GRID2: variants seen among roughly 807,000 people sequenced by gnomAD.
GRID2 encodes glutamate ionotropic receptor delta type subunit 2.
A neutral mutation model predicts 114.8 loss-of-function variants in GRID2; 33 were observed. The ratio of observed to expected loss-of-function variants is 0.29; its 90% CI spans 0.22 to 0.38. The LOEUF is 0.38. GRID2 is among the 10% of genes least tolerant of loss of function. The pLI is 1.00. For missense variants in GRID2, 1,184 were observed against 1,257.7 expected, an observed-to-expected ratio of 0.94 and a Z score of 0.89; for synonymous variants, 505 against 449.9, an observed-to-expected ratio of 1.12 and a Z score of -1.55.
At chr4:92,640,693 A>G (rs2149253103) in intron 2 of GRID2, among the ~76,000 whole-genome samples, 1 of 152,038 alleles carries the variant, frequency 6.6e-6, no homozygotes, top group South Asian at 2.1e-4. Flanking sequence ...TTGAGAAGAA[A>G]AAGAGTTAAG....
intron 2 of GRID2, among the ~76,000 whole-genome samples, chr4:92,704,703 C>CTCTCTCTCTCTCTCTCTCTCTCTCTCTT (rs1579878262): frequency 1.4e-5 from 2 of 139,746 alleles, no homozygotes; most frequent in African/African-American, 2.8e-5. Flanking sequence ...ATCAATCAAT[C>CTCTCTCTCTCTCTCTCTCTCTCTCTCTT]TCTCTCTCTC....
exon 2 of GRID2, chr4:93,807,160 C>T (rs1307358667): frequency 6.6e-6 from 1 of 152,210 alleles, no homozygotes; most frequent in African/African-American, 2.4e-5. Context: ...GGACTTCTTG[C>T]CTAGATGTCC....
At chr4:92,922,050 G>A (rs1015157607) in intron 2 of GRID2, among the ~76,000 whole-genome samples, 1 of 152,116 alleles carries the variant, frequency 6.6e-6, no homozygotes, top group African/African-American at 2.4e-5. Context: ...GCAATTGTGG[G>A]AGCCCCTCCC....
intron 2 of GRID2, among the ~76,000 whole-genome samples, chr4:92,985,828 T>A (rs1206616242): frequency 2.0e-5 from 3 of 152,200 alleles, no homozygotes; most frequent in Non-Finnish European, 4.4e-5. Flanking sequence ...TTGAACTTCC[T>A]ATTGAAGTTA....
chr4:92,874,728 C>T (rs1319075324), intron 2 of GRID2, among the ~76,000 whole-genome samples: 1 of 152,154 alleles, frequency 6.6e-6, no homozygotes, highest in African/African-American at 2.4e-5. Context: ...ACGCCATGAG[C>T]GTTTGGGGAC....
chr4:92,639,515 C>A (rs1393768646), intron 2 of GRID2, among the ~76,000 whole-genome samples: 1 of 151,722 alleles, frequency 6.6e-6, no homozygotes, highest in African/African-American at 2.4e-5. Flanking sequence ...TCTGTTCTGC[C>A]ACTTGTAACC....
rs78553698 is a variant in GRID2, at chr4:92,638,159, A to G, written c.244+47873A>G. On this transcript the variant is annotated intron_variant, in intron 2 of 15. Transcript: ENST00000282020. The stretch of plus-strand genomic sequence containing the variant: ...AATTTTATTTTTGCTTTAAAAATTT[A>G]TAGAATAGGGGGATTATTTATTTAA... 8.7e-3 allele frequency among the ~76,000 whole-genome samples: 1,323 copies of G among 151,896 alleles called. 17 individuals carry two copies. The highest frequency in any genetic ancestry group is 0.069 in the East Asian group (353 of 5,132).
intron 14 of GRID2, among the ~76,000 whole-genome samples, chr4:93,675,056 T>C (rs1724732881): frequency 6.6e-6 from 1 of 152,148 alleles, no homozygotes; most frequent in South Asian, 2.1e-4. Flanking sequence ...CCAAAAATGG[T>C]CCTATATATG....
chr4:92,353,566 G>A (rs769961884), intron 1 of GRID2, among the ~76,000 whole-genome samples: 9 of 151,770 alleles, frequency 5.9e-5, no homozygotes, highest in South Asian at 2.1e-4. Context: ...CATATTTCTC[G>A]TCTTGTGTGC....
chr4:93,795,240 A>G (rs1241229692), intron 1 of GRID2, among the ~76,000 whole-genome samples: 1 of 152,096 alleles, frequency 6.6e-6, no homozygotes, highest in Non-Finnish European at 1.5e-5. Flanking sequence ...AGGTAGAAAA[A>G]ATTCAAAACC....
At chr4:93,512,396 C>T (rs991807224) in intron 12 of GRID2, among the ~76,000 whole-genome samples, 2 of 152,224 alleles carry the variant, frequency 1.3e-5, no homozygotes, top group Non-Finnish European at 2.9e-5. Flanking sequence ...TACAAAGTGA[C>T]CGCTTGTAAT....
At chr4:92,501,180 T>A (rs1723665282) in intron 1 of GRID2, among the ~76,000 whole-genome samples, 1 of 152,134 alleles carries the variant, frequency 6.6e-6, no homozygotes, top group Non-Finnish European at 1.5e-5. Context: ...AAGTATACTT[T>A]AATTGACAGT....
At chr4:93,165,116 T>C (rs1738122977) in intron 4 of GRID2, among the ~76,000 whole-genome samples, 1 of 152,086 alleles carries the variant, frequency 6.6e-6, no homozygotes, top group Admixed American at 6.6e-5. Context: ...TGCAAAGGGT[T>C]TAACACAGTG....
intron 14 of GRID2, among the ~76,000 whole-genome samples, chr4:93,677,070 C>T (rs1049522564): frequency 4.6e-5 from 7 of 152,118 alleles, no homozygotes; most frequent in African/African-American, 1.7e-4. Context: ...GGGTCACTCC[C>T]ACCCAAATAC....
At position 92,842,949 on chromosome 4, in the gene GRID2, A is replaced by G. The variant is rs139476731; in HGVS notation, c.245-242046A>G. Among the ~76,000 whole-genome samples, 875 of 152,268 alleles carry G rather than the reference A, an allele frequency of 5.7e-3. 15 individuals are homozygous for G. The highest frequency in any genetic ancestry group is 0.02 in the African/African-American group (831 of 41,572). On this transcript the variant is annotated intron_variant, in intron 2 of 15. Coordinates refer to ENST00000282020, the MANE Select transcript of GRID2 (RefSeq NM_001510.4). ...TGTAGATAAGAAGTCAAAACCAAAA[A>G]GAATTAAAGCCAGGCATGGTGTTTT...
At chr4:92,483,467 G>A (rs1363845275) in intron 1 of GRID2, among the ~76,000 whole-genome samples, 2 of 152,150 alleles carry the variant, frequency 1.3e-5, no homozygotes, top group Non-Finnish European at 2.9e-5. Flanking sequence ...GTGATGTCAT[G>A]TTTTATCAGT....
chr4:93,395,555 G>T (rs1765246615), intron 8 of GRID2, 52 bp from the exon 9 acceptor site: 2 of 801,870 alleles, frequency 2.5e-6, no homozygotes, highest in Non-Finnish European at 2.3e-6. Context: ...ATACAGAGGT[G>T]ATGGGACTGT....
intron 14 of GRID2, among the ~76,000 whole-genome samples, chr4:93,755,475 G>A (rs1477038824): frequency 6.6e-6 from 1 of 152,024 alleles, no homozygotes; most frequent in Non-Finnish European, 1.5e-5. Flanking sequence ...GATCACCTCA[G>A]TTTGCTGCCT....
chr4:93,012,130 G>A (rs968355719), intron 2 of GRID2, among the ~76,000 whole-genome samples: 1 of 148,258 alleles, frequency 6.7e-6, no homozygotes, highest in Non-Finnish European at 1.5e-5. Context: ...GTGTACTTCA[G>A]ATAAGAAGAG....
Sources: allele counts gnomAD v4.1 joint callset (sites outside exome capture counted in the v4.1 genomes callset), GRCh38; gene constraint gnomAD v4.1.1; transcripts MANE v1.5; gene names NCBI Gene and HGNC (gene_info 2026-07-23, HGNC 2026-07-21).